ARMC10: variants seen among roughly 807,000 people sequenced by gnomAD.
ARMC10 encodes armadillo repeat-containing protein 10.
ARMC10 carries 23 observed loss-of-function variants against 30.2 expected under a neutral mutation model. That is an observed-to-expected ratio of 0.76 (90% CI 0.55 to 1.08). ARMC10 has a LOEUF of 1.08. ARMC10 is among the 50% of genes least tolerant of loss of function. The probability of loss-of-function intolerance (pLI) is 0.00; values close to 1 mark genes in which losing one functional copy is unlikely to be tolerated. For missense variants in ARMC10, 303 were observed against 413.7 expected (o/e 0.73, Z 2.32); for synonymous variants, 111 against 164.4 (o/e 0.68, Z 2.48).
chr7:103,080,132 C>G (rs1585727171), intron 2 of ARMC10, among the ~76,000 whole-genome samples: 1 of 152,168 alleles, frequency 6.6e-6, no homozygotes, highest in African/African-American at 2.4e-5. Context: ...GACTCCTCAC[C>G]TGTGTAATAG....
intron 2 of ARMC10, among the ~76,000 whole-genome samples, chr7:103,082,300 G>A (rs4729870): frequency 0.88 from 133,289 of 152,006 alleles, 61,113 homozygotes; most frequent in East Asian, 1. Context: ...TTTCCCATGT[G>A]TAATCTATAC....
chr7:103,094,437 C>T (rs1403508181), intron 5 of ARMC10, among the ~76,000 whole-genome samples: 1 of 152,188 alleles, frequency 6.6e-6, no homozygotes, highest in Non-Finnish European at 1.5e-5. Context: ...TCATATTTAA[C>T]TCCCTTCTAC....
intron 5 of ARMC10, among the ~76,000 whole-genome samples, chr7:103,093,326 TGA>T (rs1354493705): frequency 1.3e-5 from 2 of 152,202 alleles, no homozygotes; most frequent in Non-Finnish European, 2.9e-5. Context: ...CTGGAACAGT[TGA>T]GAGACAAATG....
intron 4 of ARMC10, chr7:103,087,827 A>G: frequency 2.1e-6 from 2 of 968,728 alleles, no homozygotes; most frequent in Non-Finnish European, 2.5e-6. Context: ...AGAGGCAAGT[A>G]CTATATAGAC....
chr7:103,083,965 CATA>C, intron 3 of ARMC10, 135 bp downstream of exon 3: 1 of 1,466,568 alleles, frequency 6.8e-7, no homozygotes, highest in African/African-American at 1.4e-5. Flanking sequence ...ATACTTAAAA[CATA>C]ATGTTTGTTT....
Position 103,075,669 on chromosome 7 carries a change from CCT to C in ARMC10, c.140-104_140-103del, listed in dbSNP as rs1277771492. ...AGATTTCTTAAAAACCTGTTGATGGCCTCTCATTTTAAAGCTTGCTCCGGGCC... is the reference window on the plus strand; with the variant it reads ...AGATTTCTTAAAAACCTGTTGATGGCCTCATTTTAAAGCTTGCTCCGGGCC... On this transcript the variant is annotated intron_variant, in intron 1 of 6. Transcript: ENST00000323716. The C allele has an allele frequency of 2.0e-5, 18 of 920,228 alleles. No homozygotes were observed. The East Asian group carries it at 4.9e-4, about 25-fold the overall frequency. The allele number at this position is 920,228 out of a possible 1,614,324, so 57.0% of individuals were successfully genotyped here.
chr7:103,083,865 A>G, intron 3 of ARMC10, 35 bp downstream of exon 3: 2 of 1,606,660 alleles, frequency 1.2e-6, no homozygotes, highest in South Asian at 1.1e-5. Flanking sequence ...AGCTCTTTCC[A>G]TTCTTACACA....
intron 1 of ARMC10, 139 bp downstream of exon 1, chr7:103,075,550 T>C: frequency 9.2e-7 from 1 of 1,082,628 alleles, no homozygotes; most frequent in East Asian, 3.0e-5. Context: ...GAGTGCAGGG[T>C]GCTGCGCCGC....
In ARMC10 at chr7:103,083,990, ACAC is replaced by A. The variant is rs1444066356; in HGVS notation, c.393+161_393+163del. On this transcript the variant is annotated intron_variant, in intron 3 of 6. Coordinates refer to ENST00000323716, the MANE Select transcript of ARMC10 (RefSeq NM_031905.5). ...CATAATGTTTGTTTACTTCTGAAAA[ACAC>A]AGCCTAATAGTGATATGATTATTAA... is the stretch of plus-strand genomic sequence containing the variant. The A allele has an allele frequency of 2.7e-6, 4 of 1,489,126 alleles. No individual in the cohort carries two copies. In the African/African-American group the frequency reaches 5.6e-5, roughly 21 times the overall value. The allele number at this position is 1,489,126 out of a possible 1,614,324, so 92.2% of individuals were successfully genotyped here. A position where few individuals can be genotyped will look rare whatever the true frequency, so the allele number is the denominator to read the frequency against.
rs190435311 is a variant in ARMC10, at chr7:103,090,584, C to T, written c.529-1893C>T. Reference sequence around the variant, plus strand: ...GTGCAACCTCAGCTCACTGCAACCCCTGCCTCCTGTTCAAGCAATTCTCCT... The same window carrying T: ...GTGCAACCTCAGCTCACTGCAACCCTTGCCTCCTGTTCAAGCAATTCTCCT... On this transcript the variant is annotated intron_variant, in intron 4 of 6. Transcript: ENST00000323716. Among the ~76,000 whole-genome samples the T allele has an allele frequency of 4.9e-3, 749 of 152,296 alleles. 8 individuals carry two copies. The highest frequency in any genetic ancestry group is 0.017 in the African/African-American group (709 of 41,554).
intron 4 of ARMC10, among the ~76,000 whole-genome samples, chr7:103,087,306 T>A (rs185805284): frequency 4.8e-4 from 73 of 152,336 alleles, no homozygotes; most frequent in African/African-American, 1.8e-3. Context: ...AAACTGACTT[T>A]TACAGAATAA....
rs1395936066 is a variant in ARMC10 at position 103,099,379 on chromosome 7, G to A, written c.*826G>A. 1 of 132,924 alleles carries A rather than the reference G, an allele frequency of 7.5e-6. No homozygotes were observed. Among genetic ancestry groups the A allele is most frequent in the African/African-American group, 2.6e-5 (1 of 37,790 alleles). 8.2% of individuals were successfully genotyped at this position (132,924 alleles called of 1,614,324 possible). A position where few individuals can be genotyped will look rare whatever the true frequency, so the allele number is the denominator to read the frequency against. ...CCAGCTACTTGGGAGGCCGAGGCAG[G>A]AGAATTGCTTGAACCCGGGAGGCAG... On this transcript the variant is annotated 3_prime_UTR_variant, in exon 7 of 7. Transcript: ENST00000323716.
At chr7:103,083,056 C>G (rs1320158547) in intron 2 of ARMC10, 1 of 456,498 alleles carries the variant, frequency 2.2e-6, no homozygotes, top group Non-Finnish European at 4.4e-6. Context: ...CCTAATTAAT[C>G]TCTTTATAGG....
At chr7:103,096,970 C>CT (rs1358100753) in intron 5 of ARMC10, 1 of 362,580 alleles carries the variant, frequency 2.8e-6, no homozygotes, top group African/African-American at 2.0e-5. Context: ...GATAAGTTCT[C>CT]TAAGAGTGGT....
At position 103,098,597 on chromosome 7, in the gene ARMC10, G is replaced by C. The variant is rs1184170693; in HGVS notation, c.*44G>C. The C allele has an allele frequency of 4.7e-6, 7 of 1,489,012 alleles. No homozygotes were observed. The African/African-American group carries it at 9.9e-5, about 21-fold the overall frequency. The allele number at this position is 1,489,012 out of a possible 1,614,324, so 92.2% of individuals were successfully genotyped here. A position where few individuals can be genotyped will look rare whatever the true frequency, so the allele number is the denominator to read the frequency against. On this transcript the variant is annotated 3_prime_UTR_variant, in exon 7 of 7. Coordinates refer to ENST00000323716, the MANE Select transcript of ARMC10 (RefSeq NM_031905.5). ...AGAGTAATGCAGTCTGGATATAAACGTATTTTCTGTCTTCCTTATAAGGGG... is the reference window on the plus strand; with the variant it reads ...AGAGTAATGCAGTCTGGATATAAACCTATTTTCTGTCTTCCTTATAAGGGG...
Position 103,098,341 on chromosome 7 carries a change from A to T in ARMC10, c.820A>T (p.Lys274Ter). 6.2e-6 allele frequency: 10 copies of T among 1,612,412 alleles called. No individual in the cohort carries two copies. Among genetic ancestry groups the T allele is most frequent in the Non-Finnish European group, 8.5e-6 (10 of 1,179,562 alleles). ...FLSLYDSHVA[K>*]EILLRVLTLF... ...TTCCCTTTATGACAGCCACGTAGCA[A>T]AGGAGATTCTTCTTCGAGTACTTAC... Residue 274 changes from lysine to a stop codon, truncating the protein, a stop_gained, in exon 7 of 7, where the codon AAG becomes TAG. Coordinates refer to ENST00000323716, the MANE Select transcript of ARMC10 (RefSeq NM_031905.5). LOFTEE classifies it low-confidence loss of function (END_TRUNC).
rs745373014 is a variant in ARMC10 at position 103,092,654 on chromosome 7, G to A, written c.705+1G>A. 1 of 1,560,604 alleles carries A rather than the reference G, an allele frequency of 6.4e-7. No homozygotes were observed. Among genetic ancestry groups the A allele is most frequent in the South Asian group, 1.2e-5 (1 of 86,670 alleles). ...ACTTACTGGAAATGGAAACACGAAG[G>A]TATGAAGAGCTATTGTGTCAAGCTT... On this transcript the variant is annotated splice_donor_variant, in intron 5 of 6. Transcript: ENST00000323716. LOFTEE classifies it high-confidence loss of function.
rs73714548 is a variant in ARMC10, at chr7:103,093,531, G to A, written c.705+878G>A. ...AACTTGTTTGGATGTGATCCAAGAT[G>A]TACCAAAAGGTATTGAAAATTAAAT... is the stretch of plus-strand genomic sequence containing the variant. On this transcript the variant is annotated intron_variant, in intron 5 of 6. Coordinates refer to ENST00000323716, the MANE Select transcript of ARMC10 (RefSeq NM_031905.5). Among the ~76,000 whole-genome samples, 981 of 152,310 alleles carry A rather than the reference G, an allele frequency of 6.4e-3. 3 individuals are homozygous for A. The highest frequency in any genetic ancestry group is 0.022 in the African/African-American group (923 of 41,556).
chr7:103,092,949 A>AT lies in ARMC10; in HGVS notation c.705+297dup, dbSNP rs569321858. Among the ~76,000 whole-genome samples, 575 of 152,104 alleles carry AT rather than the reference A, an allele frequency of 3.8e-3. 2 individuals are homozygous for AT. Among genetic ancestry groups the AT allele is most frequent in the Middle Eastern group, 6.8e-3 (2 of 294 alleles). On this transcript the variant is annotated intron_variant, in intron 5 of 6. Coordinates refer to ENST00000323716, the MANE Select transcript of ARMC10 (RefSeq NM_031905.5). ...CTGAGTAATAGTAGTGGTTAGTTGAATATTTTGCTTACCTCAGGGTTAACA... is the reference window on the plus strand; with the variant it reads ...CTGAGTAATAGTAGTGGTTAGTTGAATTATTTTGCTTACCTCAGGGTTAACA...
Sources: gnomAD v4.1 joint callset for allele counts (sites outside exome capture counted in the v4.1 genomes callset) on GRCh38, gnomAD v4.1.1 for gene constraint, MANE v1.5 for transcripts, NCBI Gene and HGNC (gene_info 2026-07-23, HGNC 2026-07-21) for gene names.